The following REV1 variants were observed in gnomAD, a reference collection of about 807,000 sequenced individuals.
REV1 encodes the protein REV1 DNA directed polymerase, also known as translesion synthesis protein REV1.
In REV1, 42 loss-of-function variants were observed where a neutral mutation model predicts 137.4. The ratio of observed to expected loss-of-function variants is 0.31; its 90% CI spans 0.24 to 0.40. The LOEUF is 0.40. REV1 is among the 10% of genes least tolerant of loss of function. The pLI is 1.00. For synonymous variants in REV1, 524 were observed against 519.2 expected (o/e 1.01, Z -0.12); for missense variants, 1,282 against 1,490.1 (o/e 0.86, Z 2.30).
At chr2:99,405,478 A>G (rs370514211) in intron 17 of REV1, 41 of 154,470 alleles carry the variant, frequency 2.7e-4, no homozygotes, top group African/African-American at 9.6e-4. Flanking sequence ...GACCAGCAGT[A>G]TATCACATGT....
intron 22 of REV1, among the ~76,000 whole-genome samples, chr2:99,401,755 T>A (rs1009954970): frequency 4.6e-5 from 7 of 151,988 alleles, no homozygotes; most frequent in Non-Finnish European, 7.4e-5. Context: ...TCAAAAAAAA[T>A]AAAATCCTAG....
At chr2:99,466,733 C>A (rs1426688305) in intron 1 of REV1, among the ~76,000 whole-genome samples, 1 of 152,140 alleles carries the variant, frequency 6.6e-6, no homozygotes, top group South Asian at 2.1e-4. Flanking sequence ...GGGGCATGTG[C>A]AAGGTGCTCC....
rs550394464 is a variant in REV1, at chr2:99,404,478, C to G, written c.3011G>C (p.Gly1004Ala). The G allele has an allele frequency of 1.2e-6, 2 of 1,614,014 alleles. No individual in the cohort carries two copies. Among genetic ancestry groups the G allele is most frequent in the Middle Eastern group, 1.6e-4 (1 of 6,062 alleles). The change falls in exon 18 of 23, where the codon GGA becomes GCA. Residue 1004 changes from glycine to alanine, a missense_variant. This residue lies in a region of REV1 where 135 missense variants were observed against 123.3 expected (regional missense o/e 1.10). Transcript: ENST00000258428. ...TGCTGGAAGGGCTATTAAATTTATTCCTGCGTCACTGTTCGATTCTTGAGG... is the reference window on the plus strand; with the variant it reads ...TGCTGGAAGGGCTATTAAATTTATTGCTGCGTCACTGTTCGATTCTTGAGG... ...PEPQESNSDA[G>A]INLIALPAFS... is the part of the protein sequence containing the mutation.
At chr2:99,438,134 C>A (rs1465165435) in intron 6 of REV1, among the ~76,000 whole-genome samples, 1 of 152,288 alleles carries the variant, frequency 6.6e-6, no homozygotes, top group South Asian at 2.1e-4. Flanking sequence ...AACCAATGTA[C>A]TTAAGATGTG....
intron 10 of REV1, among the ~76,000 whole-genome samples, chr2:99,423,042 T>C (rs1403328246): frequency 6.6e-6 from 1 of 152,216 alleles, no homozygotes; most frequent in Non-Finnish European, 1.5e-5. Context: ...GGAAAGTTAA[T>C]TAGTGTGTTC....
chr2:99,484,871 TTTC>T (rs1376579574), intron 1 of REV1, among the ~76,000 whole-genome samples: 1 of 152,214 alleles, frequency 6.6e-6, no homozygotes, highest in Non-Finnish European at 1.5e-5. Flanking sequence ...TCTTGCCTCC[TTTC>T]TTGTGTAACC....
intron 5 of REV1, among the ~76,000 whole-genome samples, chr2:99,439,715 A>T (rs1681232472): frequency 6.6e-6 from 1 of 152,222 alleles, no homozygotes; most frequent in South Asian, 2.1e-4. Context: ...TATAAGCTGT[A>T]AATACCCAGT....
intron 1 of REV1, among the ~76,000 whole-genome samples, chr2:99,473,573 C>G (rs905464693): frequency 6.6e-6 from 1 of 152,092 alleles, no homozygotes; most frequent in Non-Finnish European, 1.5e-5. Context: ...TAAAAATATA[C>G]AAGTCTAAGA....
intron 9 of REV1, chr2:99,424,852 T>G: frequency 7.7e-7 from 1 of 1,304,182 alleles, no homozygotes; most frequent in South Asian, 1.2e-5. Context: ...TTGTACATGG[T>G]AGGACATCAC....
chr2:99,429,923 C>G lies in REV1; in HGVS notation c.1464G>C (p.Trp488Cys). The G allele has an allele frequency of 4.4e-6, 7 of 1,598,802 alleles. No homozygotes were observed. The highest frequency in any genetic ancestry group is 6.0e-6 in the Non-Finnish European group (7 of 1,172,888). Residue 488 changes from tryptophan (W) to cysteine (C), a missense_variant, in exon 9 of 23, where the codon TGG (tryptophan) becomes TGC (cysteine). By Grantham distance (215) the Trp-to-Cys change is radical (BLOSUM62 -2). Around this residue, in one of 7 missense-constraint regions of REV1, gnomAD observed 432 missense variants for 438.0 expected, o/e 0.99. Transcript: ENST00000258428. ...KAADIPDSSL[W>C]ENPDSAQANG... ...TTGCTTGCGCAGAATCTGGATTCTC[C>G]CACAATGATGAATCTGGTATATCTG...
intron 3 of REV1, among the ~76,000 whole-genome samples, chr2:99,458,410 A>C (rs984543896): frequency 6.6e-6 from 1 of 152,274 alleles, no homozygotes; most frequent in African/African-American, 2.4e-5. Context: ...CCATCTATTA[A>C]AATGGATAAA....
chr2:99,486,458 G>A (rs1575274239), intron 1 of REV1, among the ~76,000 whole-genome samples: 1 of 152,296 alleles, frequency 6.6e-6, no homozygotes, highest in East Asian at 1.9e-4. Context: ...GAACCCAGGA[G>A]GTGGAGCTTG....
intron 5 of REV1, among the ~76,000 whole-genome samples, chr2:99,441,402 A>T (rs1229423668): frequency 1.3e-5 from 2 of 152,158 alleles, no homozygotes; most frequent in Non-Finnish European, 1.5e-5. Flanking sequence ...CTGATATACA[A>T]GGTAAGGCAA....
chr2:99,463,503 A>C (rs974553535), intron 2 of REV1, among the ~76,000 whole-genome samples: 2 of 152,240 alleles, frequency 1.3e-5, no homozygotes, highest in Admixed American at 6.5e-5. Context: ...CTGGACAACA[A>C]GAGCAAAACT....
At chr2:99,434,286 A>G in intron 8 of REV1, 46 bp downstream of exon 8, 2 of 1,277,946 alleles carry the variant, frequency 1.6e-6, no homozygotes, top group Non-Finnish European at 2.2e-6. Context: ...AAAATCCAGA[A>G]GCCATCCACA....
intron 3 of REV1, among the ~76,000 whole-genome samples, chr2:99,454,243 A>G (rs1683261605): frequency 1.3e-5 from 2 of 151,674 alleles, no homozygotes; most frequent in African/African-American, 4.9e-5. Context: ...TCCACAAAAA[A>G]ACAAAAACAA....
rs149971957 is a variant in REV1, at chr2:99,472,811, T to C, written c.-10-7826A>G. Among the ~76,000 whole-genome samples, 24 of 152,338 alleles carry C rather than the reference T, an allele frequency of 1.6e-4. No individual in the cohort carries two copies. In the South Asian group the frequency reaches 4.4e-3, roughly 28 times the overall value. Reference sequence around the variant, plus strand: ...CTAGCACGCATGCCCTAAAAAAAGTTTGGTAACAGTCTGCTCCAATGTGCT... The same window carrying C: ...CTAGCACGCATGCCCTAAAAAAAGTCTGGTAACAGTCTGCTCCAATGTGCT... On this transcript the variant is annotated intron_variant, in intron 1 of 22. Coordinates refer to ENST00000258428, the MANE Select transcript of REV1 (RefSeq NM_016316.4).
At chr2:99,429,378 T>C (rs1575071452) in intron 9 of REV1, among the ~76,000 whole-genome samples, 1 of 152,264 alleles carries the variant, frequency 6.6e-6, no homozygotes, top group East Asian at 1.9e-4. Context: ...TGAAGAGATA[T>C]TAAGAATGCC....
intron 1 of REV1, among the ~76,000 whole-genome samples, chr2:99,478,848 C>CTT (rs1686265838): frequency 6.6e-6 from 1 of 152,122 alleles, no homozygotes; most frequent in Non-Finnish European, 1.5e-5. Flanking sequence ...GCGGCACACA[C>CTT]TTTGAGAACC....
Sources: gnomAD v4.1 joint callset for allele counts (sites outside exome capture counted in the v4.1 genomes callset) on GRCh38, gnomAD v4.1.1 for gene constraint, gnomAD v4.1.1 regional missense constraint, MANE v1.5 for transcripts, NCBI Gene and HGNC (gene_info 2026-07-23, HGNC 2026-07-21) for gene names.